The following MASP1 variants were observed in gnomAD, a reference collection of about 807,000 sequenced individuals.
MASP1 encodes the protein MBL associated serine protease 1, also known as mannan-binding lectin serine protease 1.
Under a neutral mutation model 77.1 loss-of-function variants are expected in MASP1, and 59 were observed. The ratio of observed to expected loss-of-function variants is 0.77; its 90% CI spans 0.62 to 0.95. The LOEUF is 0.95. Ranked by LOEUF, MASP1 falls within the 40% of genes least tolerant of loss-of-function variation. The pLI is 0.00. For missense variants in MASP1, 885 were observed against 912.9 expected (o/e 0.97, Z 0.39); for synonymous variants, 362 against 354.5 (o/e 1.02, Z -0.24).
chr3:187,243,842 A>C, intron 8 of MASP1: 1 of 602,508 alleles, frequency 1.7e-6, no homozygotes, highest in East Asian at 3.0e-5. Context: ...TTATGGTACT[A>C]CTGTGTGGTC....
intron 9 of MASP1, chr3:187,241,915 G>T (rs750447200): frequency 7.7e-5 from 22 of 287,230 alleles, no homozygotes; most frequent in Admixed American, 5.5e-4. Context: ...CGAATGGCTT[G>T]CTGTCACCCC....
rs1717801639 is a variant in MASP1 at position 187,285,833 on chromosome 3, A to C, written c.229T>G (p.Tyr77Asp). 2.5e-6 allele frequency: 4 copies of C among 1,613,366 alleles called. No homozygotes were observed. The East Asian group carries it at 6.7e-5, about 27-fold the overall frequency. Residue 77 changes from tyrosine (Y) to aspartate (D), a missense_variant, in exon 2 of 11, where the codon TAT becomes GAT. Physicochemically the swap from Tyr to Asp is radical, Grantham distance 160. Transcript: ENST00000296280. Reference sequence around the variant, plus strand: ...GACATCAGGAGTCTCACCTTCACATAGTCATATTCACAAAGGTAGGAGGAT... The same window carrying C: ...GACATCAGGAGTCTCACCTTCACATCGTCATATTCACAAAGGTAGGAGGAT... ...LESSYLCEYD[Y>D]VKVETEDQVL...
At position 187,251,659 on chromosome 3, in the gene MASP1, C is replaced by G; in HGVS notation, c.986G>C (p.Cys329Ser). ...YFFKDQVLVSCDTGYKVLKDN... is the reference protein window; with the variant it reads ...YFFKDQVLVSSDTGYKVLKDN... ...CTTCAGCACTTTGTAGCCTGTGTCA[C>G]AGCTGACGAGCACTTGGTCTTTGAA... Residue 329 changes from cysteine (C) to serine (S), a missense_variant, in exon 7 of 11, where the codon TGT (cysteine) becomes TCT (serine). Coordinates refer to ENST00000296280, the MANE Select transcript of MASP1 (RefSeq NM_139125.4). 6.2e-7 allele frequency: 1 copy of G among 1,614,194 alleles called. No individual in the cohort carries two copies. The highest frequency in any genetic ancestry group is 8.5e-7 in the Non-Finnish European group (1 of 1,180,018).
At chr3:187,282,226 G>C (rs1010895820) in intron 2 of MASP1, among the ~76,000 whole-genome samples, 4 of 152,128 alleles carry the variant, frequency 2.6e-5, no homozygotes, top group African/African-American at 9.7e-5. Flanking sequence ...ATGTGGGCCG[G>C]GTGCAGTGGC....
Position 187,235,320 on chromosome 3 carries a change from C to A in MASP1, c.*364G>T. On this transcript the variant is annotated 3_prime_UTR_variant, in exon 11 of 11. Transcript: ENST00000296280. Reference sequence around the variant, plus strand: ...AGCTCAGTTATACCAACAGTAGGACCGATGGGTTTGATAAGTGGTCAGGAG... The same window carrying A: ...AGCTCAGTTATACCAACAGTAGGACAGATGGGTTTGATAAGTGGTCAGGAG... 1 of 1,347,062 alleles carries A rather than the reference C, an allele frequency of 7.4e-7. No individual in the cohort carries two copies. 83.4% of individuals were successfully genotyped at this position (1,347,062 alleles called of 1,614,324 possible).
intron 4 of MASP1, among the ~76,000 whole-genome samples, chr3:187,257,351 G>A (rs1436183710): frequency 6.6e-6 from 1 of 151,584 alleles, no homozygotes; most frequent in African/African-American, 2.4e-5. Context: ...GTAGCCTTAA[G>A]CTTCCTTCTT....
At chr3:187,289,412 C>T (rs1718123407) in intron 1 of MASP1, among the ~76,000 whole-genome samples, 1 of 152,110 alleles carries the variant, frequency 6.6e-6, no homozygotes. Flanking sequence ...GATGTCACAT[C>T]ATGCTCAATA....
intron 2 of MASP1, among the ~76,000 whole-genome samples, chr3:187,284,099 G>A (rs1019804025): frequency 2.0e-5 from 3 of 151,938 alleles, no homozygotes; most frequent in South Asian, 2.1e-4. Context: ...TTACCAATCC[G>A]CGTTGTCTCT....
At chr3:187,280,561 T>C (rs183386103) in intron 2 of MASP1, among the ~76,000 whole-genome samples, 28 of 152,350 alleles carry the variant, frequency 1.8e-4, no homozygotes, top group Admixed American at 1.0e-3. Flanking sequence ...CATCTGGTGC[T>C]CAACCAAAGG....
chr3:187,291,568 C>T, intron 1 of MASP1, 60 bp downstream of exon 1: 1 of 1,609,888 alleles, frequency 6.2e-7, no homozygotes, highest in South Asian at 1.1e-5. Context: ...TCAGACCTTC[C>T]CTGCTATTTG....
chr3:187,227,315 G>T (rs935950412), intron 11 of MASP1, among the ~76,000 whole-genome samples: 7 of 152,296 alleles, frequency 4.6e-5, no homozygotes, highest in Middle Eastern at 3.4e-3. Flanking sequence ...TCAGGGCCAG[G>T]GCCAGACCCC....
At chr3:187,240,551 G>T (rs1209938437) in intron 10 of MASP1, among the ~76,000 whole-genome samples, 1 of 152,076 alleles carries the variant, frequency 6.6e-6, no homozygotes, top group African/African-American at 2.4e-5. Flanking sequence ...TTTAACCGTA[G>T]AGTGTGCATT....
At chr3:187,253,409 G>C in intron 5 of MASP1, 94 bp from the exon 6 acceptor site, 1 of 1,319,164 alleles carries the variant, frequency 7.6e-7, no homozygotes, top group Non-Finnish European at 1.1e-6. Context: ...TGCACTCTGG[G>C]TTTTCTGGAA....
chr3:187,229,294 C>A (rs546670262), downstream of MASP1, among the ~76,000 whole-genome samples: 1 of 152,310 alleles, frequency 6.6e-6, no homozygotes, highest in South Asian at 2.1e-4. Context: ...TGCCTTCTCT[C>A]CCCACCACTG....
In MASP1 at chr3:187,234,886, G is replaced by A. The variant is rs533667327; in HGVS notation, c.*798C>T. 634 of 1,287,134 alleles carry A rather than the reference G, an allele frequency of 4.9e-4. 8 individuals carry two copies. The South Asian group carries it at 7.4e-3, about 15-fold the overall frequency. The allele number at this position is 1,287,134 out of a possible 1,614,324, so 79.7% of individuals were successfully genotyped here. A position where few individuals can be genotyped will look rare whatever the true frequency, so the allele number is the denominator to read the frequency against. Reference sequence around the variant, plus strand: ...CTTGTCTGGAGCAGCAGGTGTGGACGCCCATGGTGTCAGCTGGTGTTCCAG... The same window carrying A: ...CTTGTCTGGAGCAGCAGGTGTGGACACCCATGGTGTCAGCTGGTGTTCCAG... On this transcript the variant is annotated 3_prime_UTR_variant, in exon 11 of 11. Transcript: ENST00000296280.
chr3:187,267,855 C>G (rs1352416369), intron 2 of MASP1, among the ~76,000 whole-genome samples: 7 of 152,240 alleles, frequency 4.6e-5, no homozygotes, highest in Admixed American at 2.0e-4. Context: ...GACCTTTTCT[C>G]TAATCCTTTA....
chr3:187,241,677 T>A, intron 9 of MASP1, 122 bp from the exon 10 acceptor site: 1 of 722,336 alleles, frequency 1.4e-6, no homozygotes, highest in Non-Finnish European at 2.5e-6. Flanking sequence ...CAAATGGTCA[T>A]CTAGGCTCAG....
intron 2 of MASP1, among the ~76,000 whole-genome samples, chr3:187,283,379 C>A (rs1717591539): frequency 6.6e-6 from 1 of 152,196 alleles, no homozygotes; most frequent in African/African-American, 2.4e-5. Context: ...ATCTGCCTTC[C>A]TTGGATACTC....
At chr3:187,268,506 A>G (rs1025079462) in intron 2 of MASP1, among the ~76,000 whole-genome samples, 1 of 150,928 alleles carries the variant, frequency 6.6e-6, no homozygotes, top group African/African-American at 2.5e-5. Flanking sequence ...AAAAAGAAAG[A>G]AAGAAAGAGA....
Sources: gnomAD v4.1 joint callset for allele counts (sites outside exome capture counted in the v4.1 genomes callset) on GRCh38, gnomAD v4.1.1 for gene constraint, MANE v1.5 for transcripts, NCBI Gene and HGNC (gene_info 2026-07-23, HGNC 2026-07-21) for gene names.